Variants in ITSN1 observed in about 807,000 individuals in gnomAD.
The protein encoded by ITSN1 is intersectin 1, also known as intersectin-1.
A neutral mutation model predicts 239.8 loss-of-function variants in ITSN1; 58 were observed. That is an observed-to-expected ratio of 0.24 (90% confidence interval 0.20 to 0.30). The LOEUF is 0.30. ITSN1 is among the 10% of genes least tolerant of loss of function. ITSN1 has a pLI of 1.00. For synonymous variants in ITSN1, 780 were observed against 770.8 expected (o/e 1.01, Z -0.20); for missense variants, 1,558 against 2,103.3 (o/e 0.74, Z 5.07).
chr21:33,794,074 C>A (rs989709592), intron 16 of ITSN1, among the ~76,000 whole-genome samples: 4 of 152,208 alleles, frequency 2.6e-5, no homozygotes, highest in Admixed American at 2.6e-4. Context: ...TCACCTCCTG[C>A]CCTTCGCTAG....
intron 1 of ITSN1, among the ~76,000 whole-genome samples, chr21:33,651,199 A>T (rs1302194634): frequency 3.3e-5 from 5 of 152,258 alleles, no homozygotes; most frequent in African/African-American, 1.2e-4. Flanking sequence ...CAAGAGAGAC[A>T]GGTGGGGAGT....
In ITSN1 at chr21:33,774,797, A is replaced by T; in HGVS notation, c.1374A>T (p.Leu458=). The T allele has an allele frequency of 6.2e-7, 1 of 1,614,082 alleles. No individual in the cohort carries two copies. The highest frequency in any genetic ancestry group is 1.3e-5 in the African/African-American group (1 of 75,062). Reference sequence around the variant, plus strand: ...AACGGAATCGAAGGCAAGAACTACTAAATCAAAGAAACAAAGAACAAGAGG... The same window carrying T: ...AACGGAATCGAAGGCAAGAACTACTTAATCAAAGAAACAAAGAACAAGAGG... The part of the protein sequence containing the change: ...EWERNRRQEL[L]NQRNKEQEDI... The change falls in exon 13 of 40, where the codon CTA becomes CTT. Residue 458 remains leucine, a synonymous_variant. Coordinates refer to ENST00000381318, the MANE Select transcript of ITSN1 (RefSeq NM_003024.3).
At chr21:33,673,141 A>G (rs1011131788) in intron 1 of ITSN1, among the ~76,000 whole-genome samples, 1 of 152,362 alleles carries the variant, frequency 6.6e-6, no homozygotes, top group African/African-American at 2.4e-5. Flanking sequence ...CATGCTGCTA[A>G]GTGAAATAAA....
At chr21:33,686,846 G>A (rs574797944) in intron 1 of ITSN1, among the ~76,000 whole-genome samples, 11 of 152,254 alleles carry the variant, frequency 7.2e-5, no homozygotes, top group East Asian at 3.9e-4. Context: ...GCTAGGTCAC[G>A]AAACTCCTCA....
At chr21:33,833,887 AAAG>A (rs2074445826) in intron 27 of ITSN1, among the ~76,000 whole-genome samples, 1 of 151,824 alleles carries the variant, frequency 6.6e-6, no homozygotes, top group African/African-American at 2.4e-5. Flanking sequence ...AAAAAAAAAA[AAAG>A]AAGTACTCAG....
intron 28 of ITSN1, 118 bp downstream of exon 28, chr21:33,834,542 G>GA: frequency 1.4e-6 from 1 of 732,926 alleles, no homozygotes; most frequent in Non-Finnish European, 2.4e-6. Flanking sequence ...AGCACTTCCT[G>GA]TACTTGCTGG....
Position 33,819,709 on chromosome 21 carries a change from G to A in ITSN1, c.3016+386G>A, listed in dbSNP as rs537965378. Among the ~76,000 whole-genome samples the A allele has an allele frequency of 1.8e-3, 272 of 152,292 alleles. 2 individuals carry two copies. The highest frequency in any genetic ancestry group is 6.0e-3 in the African/African-American group (248 of 41,560). ...TTTTAAAAGTAACTACAGGCCGGGC[G>A]CGGTGGCTCACGCCTGTAATCCCAG... On this transcript the variant is annotated intron_variant, in intron 24 of 39. Transcript: ENST00000381318.
At chr21:33,876,471 C>G (rs189405248) in intron 34 of ITSN1, among the ~76,000 whole-genome samples, 1 of 152,310 alleles carries the variant, frequency 6.6e-6, no homozygotes, top group East Asian at 1.9e-4. Context: ...CTCAAGTGAT[C>G]TTCCCACTTC....
At position 33,865,721 on chromosome 21, in the gene ITSN1, G is replaced by A. The variant is rs961211792; in HGVS notation, c.4074+387G>A. On this transcript the variant is annotated intron_variant, in intron 32 of 39. Coordinates refer to ENST00000381318, the MANE Select transcript of ITSN1 (RefSeq NM_003024.3). This position sits in a 1 kb window ranked among gnomAD's most constrained non-coding sequence, Gnocchi z 4.4. ...TGCTGGTCTCTGCCCTTCACTTGCAGAGGGAATGGCCAGGACTCCCAGTGG... is the reference window on the plus strand; with the variant it reads ...TGCTGGTCTCTGCCCTTCACTTGCAAAGGGAATGGCCAGGACTCCCAGTGG... Among the ~76,000 whole-genome samples, 1 of 152,228 alleles carries A rather than the reference G, an allele frequency of 6.6e-6. No homozygotes were observed. Among genetic ancestry groups the A allele is most frequent in the African/African-American group, 2.4e-5 (1 of 41,472 alleles).
intron 5 of ITSN1, among the ~76,000 whole-genome samples, chr21:33,742,635 C>CTT (rs1221034872): frequency 6.6e-6 from 1 of 152,160 alleles, no homozygotes; most frequent in East Asian, 1.9e-4. Flanking sequence ...CCTATGAACT[C>CTT]AAAAGACTGG....
At chr21:33,674,975 A>G (rs892111909) in intron 1 of ITSN1, among the ~76,000 whole-genome samples, 4 of 152,184 alleles carry the variant, frequency 2.6e-5, no homozygotes, top group Non-Finnish European at 5.9e-5. Context: ...AAGAAAGATC[A>G]TAAAGGACAC....
At chr21:33,726,405 G>C (rs866964880) in intron 4 of ITSN1, among the ~76,000 whole-genome samples, 10 of 152,114 alleles carry the variant, frequency 6.6e-5, no homozygotes, top group Admixed American at 3.9e-4. Flanking sequence ...AGGGTCCCAG[G>C]GTAAGTCCTT....
intron 1 of ITSN1, among the ~76,000 whole-genome samples, chr21:33,677,646 G>A (rs991262559): frequency 6.6e-6 from 1 of 151,996 alleles, no homozygotes; most frequent in Admixed American, 6.6e-5. Flanking sequence ...AGCCCAAAAC[G>A]GAATTCTTGA....
At chr21:33,768,720 A>C (rs1205804145) in intron 11 of ITSN1, among the ~76,000 whole-genome samples, 3 of 152,234 alleles carry the variant, frequency 2.0e-5, no homozygotes, top group Non-Finnish European at 4.4e-5. Context: ...TTTATGATAA[A>C]TACTTTGTCA....
chr21:33,829,736 A>C lies in ITSN1; in HGVS notation c.3342A>C (p.Gly1114=), dbSNP rs2074182749. 6.2e-7 allele frequency: 1 copy of C among 1,613,802 alleles called. No individual in the cohort carries two copies. Among genetic ancestry groups the C allele is most frequent in the Non-Finnish European group, 8.5e-7 (1 of 1,179,952 alleles). The change falls in exon 27 of 40, where the codon GGA becomes GGC. Residue 1114 remains glycine (G), a synonymous_variant. Transcript: ENST00000381318. ...RKKNPGGWWE[G]ELQARGKKRQ... ...AGAACCCAGGTGGATGGTGGGAAGG[A>C]GAGCTGCAAGTCAGTGTCTTTTTTG...
chr21:33,850,917 G>A (rs1320924873), intron 29 of ITSN1, among the ~76,000 whole-genome samples: 1 of 152,170 alleles, frequency 6.6e-6, no homozygotes, highest in Non-Finnish European at 1.5e-5. Flanking sequence ...ATGGGGAGAA[G>A]CCTGCAGTAT....
chr21:33,826,549 G>T (rs951068982), intron 25 of ITSN1, among the ~76,000 whole-genome samples: 2 of 152,304 alleles, frequency 1.3e-5, no homozygotes, highest in East Asian at 3.9e-4. Context: ...TCCGAGAAGT[G>T]CCTGTGCTTG....
chr21:33,885,536 G>A lies in ITSN1; in HGVS notation c.4843+14G>A, dbSNP rs1304949633. On this transcript the variant is annotated intron_variant, in intron 38 of 39. Transcript: ENST00000381318. ...GTCGGTCACATGGTAAGGCTGTGAGGCGCCCCCGGCTCCTGCTTTGGGGTT... is the reference window on the plus strand; with the variant it reads ...GTCGGTCACATGGTAAGGCTGTGAGACGCCCCCGGCTCCTGCTTTGGGGTT... 6.2e-7 allele frequency: 1 copy of A among 1,611,030 alleles called. No individual in the cohort carries two copies. The highest frequency in any genetic ancestry group is 8.5e-7 in the Non-Finnish European group (1 of 1,177,330).
intron 34 of ITSN1, among the ~76,000 whole-genome samples, chr21:33,879,609 C>T (rs908243633): frequency 1.3e-5 from 2 of 152,212 alleles, no homozygotes; most frequent in African/African-American, 4.8e-5. Context: ...GGCCCTTCCC[C>T]GACTCTGACA....
Sources: gnomAD v4.1 joint callset for allele counts (sites outside exome capture counted in the v4.1 genomes callset) on GRCh38, gnomAD v4.1.1 for gene constraint, Gnocchi (gnomAD v3.1) non-coding constraint, MANE v1.5 for transcripts, NCBI Gene and HGNC (gene_info 2026-07-23, HGNC 2026-07-21) for gene names.